The following PRKCZ variants were observed in gnomAD, a reference collection of about 807,000 sequenced individuals.
PRKCZ encodes the protein protein kinase C zeta type.
Under a neutral mutation model 79.5 loss-of-function variants are expected in PRKCZ, and 33 were observed. The observed-to-expected ratio is 0.41, with a 90% CI of 0.31 to 0.55. The LOEUF is 0.55. Ranked by LOEUF, PRKCZ falls within the 20% of genes least tolerant of loss-of-function variation. The pLI is 0.19. For missense variants in PRKCZ, 578 were observed against 813.5 expected, an observed-to-expected ratio of 0.71 and a Z score of 3.52; for synonymous variants, 342 against 320.9, an observed-to-expected ratio of 1.07 and a Z score of -0.70.
intron 4 of PRKCZ, among the ~76,000 whole-genome samples, chr1:2,114,898 T>C (rs572934373): frequency 2.0e-4 from 31 of 152,384 alleles, no homozygotes; most frequent in Non-Finnish European, 3.2e-4. Context: ...TGATTTCTTT[T>C]TCTTTCTTGA....
At position 2,148,887 on chromosome 1, in the gene PRKCZ, C is replaced by T; in HGVS notation, c.650C>T (p.Ser217Leu). The T allele has an allele frequency of 6.2e-7, 1 of 1,614,022 alleles. No individual in the cohort carries two copies. The highest frequency in any genetic ancestry group is 8.5e-7 in the Non-Finnish European group (1 of 1,179,910). ...CTCTCACCAGTTGCTTACATTTCCT[C>T]ATCCCGGAAGCATGACAGCATTAAA... ...EETDGIAYIS[S>L]SRKHDSIKDD... The change falls in exon 8 of 18, where the codon TCA becomes TTA. Residue 217 changes from serine (S) to leucine (L), a missense_variant. Physicochemically the swap from Ser to Leu is moderately radical, Grantham distance 145 (BLOSUM62 -2). This residue lies in a region of PRKCZ where 91 missense variants were observed against 97.5 expected (regional missense o/e 0.93). Transcript: ENST00000378567.
chr1:2,102,704 CT>C (rs1360102171), intron 4 of PRKCZ, among the ~76,000 whole-genome samples: 2 of 152,058 alleles, frequency 1.3e-5, no homozygotes, highest in East Asian at 3.9e-4. Context: ...TTTTTCTCCA[CT>C]TTATTTCAAC....
rs1666117179 is a variant in PRKCZ at position 2,094,598 on chromosome 1, TGCCCG to T, written c.334+35010_334+35014del. 1.1e-5 allele frequency among the ~76,000 whole-genome samples: 1 copy of T among 88,462 alleles called. No individual in the cohort carries two copies. Among genetic ancestry groups the T allele is most frequent in the African/African-American group, 7.3e-5 (1 of 13,694 alleles). The allele number at this position is 88,462 out of a possible 152,430, so 58.0% of individuals were successfully genotyped here. A position where few individuals can be genotyped will look rare whatever the true frequency, so the allele number is the denominator to read the frequency against. Reference sequence around the variant, plus strand: ...GCTGCCCGTTCTGAGGCGCCCGCTGTGCCCGGCTCGATGAACCTTGGGCGCTGCCC... The same window carrying T: ...GCTGCCCGTTCTGAGGCGCCCGCTGTGCTCGATGAACCTTGGGCGCTGCCC... On this transcript the variant is annotated intron_variant, in intron 4 of 17. Transcript: ENST00000378567. This position sits in a 1 kb window ranked among gnomAD's most constrained non-coding sequence, Gnocchi z 7.3.
chr1:2,092,777 GC>G (rs1557539522), intron 4 of PRKCZ, among the ~76,000 whole-genome samples: 1 of 152,232 alleles, frequency 6.6e-6, no homozygotes, highest in Non-Finnish European at 1.5e-5. Context: ...TTCACTGTGA[GC>G]AGGGAGGGCC....
intron 2 of PRKCZ, chr1:2,055,781 T>C: frequency 1.6e-6 from 1 of 621,258 alleles, no homozygotes; most frequent in South Asian, 2.3e-5. Flanking sequence ...GGAAGGGCTC[T>C]GGTCTTGAAC....
rs183763330 is a variant in PRKCZ, at chr1:2,130,075, T to C, written c.335-5187T>C. Among the ~76,000 whole-genome samples, 3 of 152,196 alleles carry C rather than the reference T, an allele frequency of 2.0e-5. No individual in the cohort carries two copies. The South Asian group carries it at 6.2e-4, about 32-fold the overall frequency. ...ACGCCACCACACTCGGCTCATTTTT[T>C]ATATTTTTTTTATAGAGACGGGGTC... On this transcript the variant is annotated intron_variant, in intron 4 of 17. Transcript: ENST00000378567.
intron 4 of PRKCZ, among the ~76,000 whole-genome samples, chr1:2,119,806 G>A (rs1377943289): frequency 2.4e-5 from 3 of 125,504 alleles, no homozygotes; most frequent in Non-Finnish European, 4.9e-5. Context: ...TTTTTTTTGA[G>A]ATGGATTTTT....
At chr1:2,054,566 G>GT (rs111748507) in intron 1 of PRKCZ, among the ~76,000 whole-genome samples, 1 of 151,148 alleles carries the variant, frequency 6.6e-6, no homozygotes, top group East Asian at 1.9e-4. Flanking sequence ...GTGTGACTCG[G>GT]TTTTAAAAAA....
chr1:2,148,445 A>G (rs910821541), intron 7 of PRKCZ, among the ~76,000 whole-genome samples: 10 of 149,050 alleles, frequency 6.7e-5, no homozygotes, highest in African/African-American at 1.5e-4. Flanking sequence ...CCATCCATCT[A>G]TTGTCCACTG....
chr1:2,162,271 A>G (rs1481676793), intron 10 of PRKCZ, among the ~76,000 whole-genome samples: 1 of 152,166 alleles, frequency 6.6e-6, no homozygotes, highest in Admixed American at 6.5e-5. Context: ...AGCTGGGAAT[A>G]CAGGCCCCTG....
chr1:2,076,471 A>G (rs910666910), intron 4 of PRKCZ, among the ~76,000 whole-genome samples: 5 of 152,224 alleles, frequency 3.3e-5, no homozygotes, highest in African/African-American at 1.2e-4. Flanking sequence ...GGCCAGGCAC[A>G]GTGGCTCACG....
Position 2,150,813 on chromosome 1 carries a change from G to A in PRKCZ, c.711G>A (p.Gly237=). The A allele has an allele frequency of 6.2e-7, 1 of 1,614,156 alleles. No individual in the cohort carries two copies. The highest frequency in any genetic ancestry group is 2.2e-5 in the East Asian group (1 of 44,884). Residue 237 remains glycine, a synonymous_variant, in exon 9 of 18, where the codon GGG becomes GGA. Coordinates refer to ENST00000378567, the MANE Select transcript of PRKCZ (RefSeq NM_002744.6). ...DSEDLKPVID[G]MDGIKISQGL... ...AGGACCTTAAGCCAGTTATCGATGG[G>A]ATGGATGGAATCAAAATCTCTCAGG...
At chr1:2,073,572 C>G in intron 4 of PRKCZ, 2 of 965,110 alleles carry the variant, frequency 2.1e-6, no homozygotes, top group Non-Finnish European at 2.5e-6. Flanking sequence ...TGCCCGCCCG[C>G]TCTCTGGACT....
At chr1:2,088,508 T>C (rs1664920752) in intron 4 of PRKCZ, among the ~76,000 whole-genome samples, 1 of 152,218 alleles carries the variant, frequency 6.6e-6, no homozygotes, top group African/African-American at 2.4e-5. Context: ...TGAAGACGGC[T>C]GTGGCGAGTG....
chr1:2,170,686 G>A (rs546233729), intron 11 of PRKCZ, among the ~76,000 whole-genome samples: 1 of 152,264 alleles, frequency 6.6e-6, no homozygotes, highest in African/African-American at 2.4e-5. Context: ...AGACGGGCAC[G>A]TCCCACTTTC....
intron 16 of PRKCZ, chr1:2,181,958 G>A (rs754201792): frequency 3.7e-5 from 16 of 429,568 alleles, no homozygotes; most frequent in East Asian, 1.5e-4. Context: ...CCCTCCCTCC[G>A]GCTCCTCCCC....
intron 4 of PRKCZ, among the ~76,000 whole-genome samples, chr1:2,103,057 T>TG (rs920750600): frequency 2.0e-5 from 3 of 152,070 alleles, no homozygotes; most frequent in African/African-American, 7.2e-5. Flanking sequence ...TTAGTAGAGT[T>TG]GGGGGTCTTG....
chr1:2,169,602 C>A lies in PRKCZ; in HGVS notation c.1059C>A (p.Ala353=). The A allele has an allele frequency of 1.3e-6, 2 of 1,502,798 alleles. No individual in the cohort carries two copies. Among genetic ancestry groups the A allele is most frequent in the South Asian group, 1.3e-5 (1 of 79,602 alleles). 93.1% of individuals were successfully genotyped at this position (1,502,798 alleles called of 1,614,324 possible). ...AGAGGAAGCTCCCTGAGGAGCACGC[C>A]AGGTGGGTGCGCGTGGACGGGGCCG... The part of the protein sequence containing the change: ...QRQRKLPEEH[A]RFYAAEICIA... Residue 353 remains alanine, a splice_region_variant and synonymous_variant, in exon 11 of 18, where the codon GCC becomes GCA. Transcript: ENST00000378567.
intron 16 of PRKCZ, among the ~76,000 whole-genome samples, chr1:2,175,784 A>G (rs776898989): frequency 1.3e-5 from 2 of 152,104 alleles, no homozygotes. Flanking sequence ...CTCCGGAGCC[A>G]GGAGAGTGAG....
Sources: allele counts gnomAD v4.1 joint callset (sites outside exome capture counted in the v4.1 genomes callset), GRCh38; gene constraint gnomAD v4.1.1; regional missense constraint gnomAD v4.1.1; non-coding constraint Gnocchi (gnomAD v3.1); transcripts MANE v1.5; gene names NCBI Gene and HGNC (gene_info 2026-07-23, HGNC 2026-07-21).